The following CASR variants were observed in gnomAD, a reference collection of about 807,000 sequenced individuals.
CASR encodes the protein extracellular calcium-sensing receptor.
A neutral mutation model predicts 69.1 loss-of-function variants in CASR; 23 were observed. That is an observed-to-expected ratio of 0.33 (90% confidence interval 0.24 to 0.47). CASR has a LOEUF of 0.47. CASR is among the 20% of genes least tolerant of loss of function. The pLI, the probability that CASR is intolerant of heterozygous loss-of-function variation, is 1.00. For synonymous variants in CASR, 541 were observed against 544.7 expected (o/e 0.99, Z 0.10); for missense variants, 924 against 1,356.1 (o/e 0.68, Z 5.00).
Position 122,273,990 on chromosome 3 carries a change from C to T in CASR, c.1378-1822C>T, listed in dbSNP as rs185330460. ...ATCTAGAACACCTCCTCTGCACTGA[C>T]GGCCTTAAGGCCTCAGTAAAAATGA... On this transcript the variant is annotated intron_variant, in intron 4 of 6. Coordinates refer to ENST00000639785, the MANE Select transcript of CASR (RefSeq NM_000388.4). 5.8e-4 allele frequency among the ~76,000 whole-genome samples: 89 copies of T among 152,280 alleles called. 1 individual carries two copies. The highest frequency in any genetic ancestry group is 4.3e-3 in the Admixed American group (65 of 15,292).
intron 1 of CASR, among the ~76,000 whole-genome samples, chr3:122,214,177 T>C (rs2074094217): frequency 6.6e-6 from 1 of 152,244 alleles, no homozygotes; most frequent in African/African-American, 2.4e-5. Context: ...ATTTCTTTTT[T>C]TCTACATACA....
chr3:122,252,168 A>G (rs189550309), intron 1 of CASR, among the ~76,000 whole-genome samples: 6 of 151,420 alleles, frequency 4.0e-5, no homozygotes, highest in African/African-American at 1.5e-4. Context: ...TGTGGGTAGC[A>G]TGTGTTTGTA....
Position 122,254,123 on chromosome 3 carries a change from G to T in CASR, c.-67G>T. On this transcript the variant is annotated 5_prime_UTR_variant, in exon 2 of 7. Coordinates refer to ENST00000639785, the MANE Select transcript of CASR (RefSeq NM_000388.4). ...CTGCAGGGAGTGAACTGCTCCAAGG[G>T]AGAAACTTCTGGGAGCCTCCAAACT... The T allele has an allele frequency of 6.7e-7, 1 of 1,489,474 alleles. No individual in the cohort carries two copies. The highest frequency in any genetic ancestry group is 9.4e-7 in the Non-Finnish European group (1 of 1,068,964). 92.3% of individuals were successfully genotyped at this position (1,489,474 alleles called of 1,614,324 possible).
chr3:122,212,546 A>T (rs2074078974), intron 1 of CASR, among the ~76,000 whole-genome samples: 2 of 152,192 alleles, frequency 1.3e-5, no homozygotes, highest in African/African-American at 4.8e-5. Context: ...CTGCACATGT[A>T]TACCGGAACT....
Position 122,202,393 on chromosome 3 carries a change from CAGAGGGAGACCGTGGAAAGAGAGGG to C in CASR, c.-243+18618_-243+18642del, listed in dbSNP as rs1157545459. ...GTACAGTCCAGCTTCGGCTCAGCAT[CAGAGGGAGACCGTGGAAAGAGAGGG>C]AGAGGGAGACCGTGGAAAGAGAGGG... On this transcript the variant is annotated intron_variant, in intron 1 of 6. Coordinates refer to ENST00000639785, the MANE Select transcript of CASR (RefSeq NM_000388.4). Among the ~76,000 whole-genome samples the C allele has an allele frequency of 2.5e-4, 32 of 128,436 alleles. 1 individual carries two copies. Among genetic ancestry groups the C allele is most frequent in the East Asian group, 9.8e-4 (5 of 5,108 alleles). The allele number at this position is 128,436 out of a possible 152,430, so 84.3% of individuals were successfully genotyped here.
At chr3:122,248,712 G>A (rs1471312929) in intron 1 of CASR, among the ~76,000 whole-genome samples, 1 of 151,536 alleles carries the variant, frequency 6.6e-6, no homozygotes, top group African/African-American at 2.4e-5. Flanking sequence ...GTCTGCGCCT[G>A]GGTTTTCTCT....
rs1306006548 is a variant in CASR at position 122,286,950 on chromosome 3, A to G, written c.*1759A>G. The G allele has an allele frequency of 6.6e-6, 1 of 152,226 alleles. No individual in the cohort carries two copies. Among genetic ancestry groups the G allele is most frequent in the Admixed American group, 6.5e-5 (1 of 15,284 alleles). The allele number at this position is 152,226 out of a possible 1,614,324, so 9.4% of individuals were successfully genotyped here. ...GTTAAGATTATAATGAGAAATCATT[A>G]GAGGGCACCATGTGGGAGCGCGACT... is the stretch of plus-strand genomic sequence containing the variant. On this transcript the variant is annotated 3_prime_UTR_variant, in exon 7 of 7. Coordinates refer to ENST00000639785, the MANE Select transcript of CASR (RefSeq NM_000388.4).
chr3:122,203,460 T>C (rs1330259382), intron 1 of CASR, among the ~76,000 whole-genome samples: 1 of 152,232 alleles, frequency 6.6e-6, no homozygotes, highest in Non-Finnish European at 1.5e-5. Context: ...CTGTACAGCA[T>C]GTGCCTGTAT....
chr3:122,249,631 C>T (rs919066446), intron 1 of CASR, among the ~76,000 whole-genome samples: 5 of 152,304 alleles, frequency 3.3e-5, no homozygotes, highest in Admixed American at 2.0e-4. Context: ...ACCTGGTGCA[C>T]GGATCATTTC....
At chr3:122,278,724 G>C (rs2074851672) in intron 5 of CASR, among the ~76,000 whole-genome samples, 1 of 152,124 alleles carries the variant, frequency 6.6e-6, no homozygotes, top group African/African-American at 2.4e-5. Context: ...AGCCTTGACT[G>C]GTATAAAGCA....
At chr3:122,205,323 T>C (rs1015253375) in intron 1 of CASR, among the ~76,000 whole-genome samples, 16 of 152,166 alleles carry the variant, frequency 1.1e-4, no homozygotes, top group African/African-American at 3.6e-4. Flanking sequence ...GCACCACTTA[T>C]TGAAGAGACT....
chr3:122,202,411 A>AGAGAGG (rs1264780174), intron 1 of CASR, among the ~76,000 whole-genome samples: 1 of 151,274 alleles, frequency 6.6e-6, no homozygotes, highest in African/African-American at 2.4e-5. Context: ...GACCGTGGAA[A>AGAGAGG]GAGAGGGAGA....
intron 3 of CASR, 127 bp downstream of exon 3, chr3:122,257,514 T>C (rs1315853727): frequency 3.0e-6 from 2 of 671,322 alleles, no homozygotes; most frequent in East Asian, 2.7e-5. Flanking sequence ...TATGATTTAG[T>C]TGATATGCTG....
chr3:122,241,802 T>C (rs1196178212), intron 1 of CASR, among the ~76,000 whole-genome samples: 1 of 151,912 alleles, frequency 6.6e-6, no homozygotes, highest in Non-Finnish European at 1.5e-5. Context: ...CAAACCAAAT[T>C]CAACAATACA....
rs1208466356 is a variant in CASR, at chr3:122,289,167, A to C, written c.*3976A>C. 1 of 152,234 alleles carries C rather than the reference A, an allele frequency of 6.6e-6. No homozygotes were observed. The highest frequency in any genetic ancestry group is 2.4e-5 in the African/African-American group (1 of 41,468). The allele number at this position is 152,234 out of a possible 1,614,324, so 9.4% of individuals were successfully genotyped here. On this transcript the variant is annotated 3_prime_UTR_variant, in exon 7 of 7. Transcript: ENST00000639785. ...TTGCTCATCTGCTGCATTTGAAATA[A>C]TTATTGCTACAAGAATAATGGAACA...
At chr3:122,246,883 T>A (rs1477858682) in intron 1 of CASR, 1 of 152,090 alleles carries the variant, frequency 6.6e-6, no homozygotes, top group East Asian at 1.9e-4. Context: ...TAGAAACCCA[T>A]CCCTCAGGAG....
In CASR at chr3:122,258,645, G is replaced by T. The variant is rs565536728; in HGVS notation, c.492+1258G>T. On this transcript the variant is annotated intron_variant, in intron 3 of 6. Coordinates refer to ENST00000639785, the MANE Select transcript of CASR (RefSeq NM_000388.4). ...GAAAGAACATGAAAAGGGGAGGGGC[G>T]TGTTAATTCTTTGTGTTTTGGATGA... Among the ~76,000 whole-genome samples the T allele has an allele frequency of 5.9e-5, 9 of 152,274 alleles. No homozygotes were observed. In the East Asian group the frequency reaches 1.3e-3, roughly 23 times the overall value.
intron 1 of CASR, among the ~76,000 whole-genome samples, chr3:122,212,013 A>G (rs1231688698): frequency 6.6e-6 from 1 of 152,168 alleles, no homozygotes; most frequent in Non-Finnish European, 1.5e-5. Flanking sequence ...TCCCTCAAAG[A>G]CCTAGAACGA....
intron 1 of CASR, among the ~76,000 whole-genome samples, chr3:122,186,469 G>T (rs1280737655): frequency 6.6e-6 from 1 of 152,106 alleles, no homozygotes; most frequent in Non-Finnish European, 1.5e-5. Context: ...TAAGTAAGAG[G>T]TAAAAAAATC....
Sources: gnomAD v4.1 joint callset for allele counts (sites outside exome capture counted in the v4.1 genomes callset) on GRCh38, gnomAD v4.1.1 for gene constraint, MANE v1.5 for transcripts, NCBI Gene and HGNC (gene_info 2026-07-23, HGNC 2026-07-21) for gene names.